ANKRD31: variants seen among roughly 807,000 people sequenced by gnomAD.
ANKRD31 encodes the protein ankyrin repeat domain 31, also known as ankyrin repeat domain-containing protein 31.
A neutral mutation model predicts 186.0 loss-of-function variants in ANKRD31; 147 were observed. The ratio of observed to expected loss-of-function variants is 0.79; its 90% confidence interval spans 0.69 to 0.91. ANKRD31 has a LOEUF of 0.91. ANKRD31 is among the 40% of genes least tolerant of loss of function. ANKRD31 has a pLI of 0.00. For synonymous variants in ANKRD31, 673 were observed against 736.4 expected (o/e 0.91, Z 1.39); for missense variants, 1,986 against 2,148.8 (o/e 0.92, Z 1.50).
At chr5:75,187,110 TTGTGTGTGTGTG>T (rs57013241) in intron 10 of ANKRD31, among the ~76,000 whole-genome samples, 16 of 116,234 alleles carry the variant, frequency 1.4e-4, no homozygotes, top group South Asian at 6.4e-4. Flanking sequence ...TGATTCTGTT[TTGTGTGTGTGTG>T]TGTGTGTGTG....
chr5:75,145,418 T>A (rs893849650), intron 14 of ANKRD31, among the ~76,000 whole-genome samples: 1 of 152,020 alleles, frequency 6.6e-6, no homozygotes, highest in Non-Finnish European at 1.5e-5. Flanking sequence ...TAAAAAGGGA[T>A]GAGTTCATGT....
chr5:75,121,180 T>C (rs143324609), intron 17 of ANKRD31, among the ~76,000 whole-genome samples: 2 of 124,474 alleles, frequency 1.6e-5, no homozygotes, highest in East Asian at 2.4e-4. Context: ...AGACTCTATA[T>C]AAAAAAAAAA....
At chr5:75,092,719 T>C (rs1488351743) in intron 22 of ANKRD31, among the ~76,000 whole-genome samples, 1 of 152,040 alleles carries the variant, frequency 6.6e-6, no homozygotes, top group Non-Finnish European at 1.5e-5. Context: ...CAGCAAAGTA[T>C]GACACACACA....
intron 11 of ANKRD31, among the ~76,000 whole-genome samples, chr5:75,154,707 G>A (rs1752048647): frequency 6.6e-6 from 1 of 152,136 alleles, no homozygotes; most frequent in South Asian, 2.1e-4. Context: ...CAGTGGCTCA[G>A]CTGCTAGTGA....
intron 12 of ANKRD31, 140 bp downstream of exon 12, chr5:75,154,061 A>G (rs1752006993): frequency 2.7e-5 from 22 of 823,750 alleles, no homozygotes; most frequent in Non-Finnish European, 3.7e-5. Context: ...TGATTTATTA[A>G]CAGAATGAAG....
intron 11 of ANKRD31, among the ~76,000 whole-genome samples, chr5:75,168,769 T>A (rs1375222066): frequency 6.6e-6 from 1 of 152,156 alleles, no homozygotes; most frequent in Non-Finnish European, 1.5e-5. Flanking sequence ...AAGCTCTATA[T>A]GGTTATTAAA....
intron 17 of ANKRD31, among the ~76,000 whole-genome samples, chr5:75,121,889 A>G (rs985734532): frequency 3.9e-5 from 6 of 152,228 alleles, no homozygotes; most frequent in African/African-American, 1.2e-4. Flanking sequence ...CTAACATCAT[A>G]CCTCAAGGAA....
intron 14 of ANKRD31, among the ~76,000 whole-genome samples, chr5:75,145,752 C>CT (rs1170099552): frequency 1.3e-5 from 2 of 151,858 alleles, no homozygotes; most frequent in African/African-American, 4.8e-5. Context: ...AAAAAAACTA[C>CT]TGTTTATTAC....
intron 20 of ANKRD31, among the ~76,000 whole-genome samples, chr5:75,110,848 T>C (rs1240295258): frequency 6.7e-6 from 1 of 148,800 alleles, no homozygotes; most frequent in Non-Finnish European, 1.5e-5. Context: ...TGTACACTGC[T>C]AGTAGCATCA....
intron 25 of ANKRD31, among the ~76,000 whole-genome samples, chr5:75,072,978 G>T (rs569912671): frequency 6.6e-6 from 1 of 152,184 alleles, no homozygotes; most frequent in Admixed American, 6.5e-5. Context: ...AATTCCTATT[G>T]TTCCACAGTG....
chr5:75,137,066 G>C (rs1750645800), intron 17 of ANKRD31, among the ~76,000 whole-genome samples: 1 of 152,248 alleles, frequency 6.6e-6, no homozygotes, highest in African/African-American at 2.4e-5. Flanking sequence ...TAATGTAAAT[G>C]ATGAGTTGAT....
chr5:75,096,446 TC>T (rs1746325535), intron 22 of ANKRD31, among the ~76,000 whole-genome samples: 1 of 152,204 alleles, frequency 6.6e-6, no homozygotes, highest in Non-Finnish European at 1.5e-5. Flanking sequence ...AAAATTTTTC[TC>T]CCGTTCTGTA....
intron 3 of ANKRD31, among the ~76,000 whole-genome samples, chr5:75,211,586 T>C (rs1756653917): frequency 6.6e-6 from 1 of 152,210 alleles, no homozygotes; most frequent in Non-Finnish European, 1.5e-5. Flanking sequence ...TCCACAGCAG[T>C]TGCATCATTT....
intron 20 of ANKRD31, among the ~76,000 whole-genome samples, chr5:75,111,055 A>G (rs967014853): frequency 1.3e-5 from 2 of 151,990 alleles, no homozygotes; most frequent in Non-Finnish European, 2.9e-5. Context: ...TTCAACAAAA[A>G]GGGAAAAATT....
At chr5:75,076,406 G>A (rs1038150411) in intron 25 of ANKRD31, among the ~76,000 whole-genome samples, 5 of 152,038 alleles carry the variant, frequency 3.3e-5, no homozygotes, top group East Asian at 1.9e-4. Context: ...CTTTACTTCC[G>A]GTTACTGGTT....
intron 23 of ANKRD31, among the ~76,000 whole-genome samples, chr5:75,087,653 A>G (rs1281187660): frequency 6.6e-6 from 1 of 152,234 alleles, no homozygotes; most frequent in African/African-American, 2.4e-5. Flanking sequence ...ATTGCTTTTT[A>G]TCTCAGGGTG....
intron 10 of ANKRD31, among the ~76,000 whole-genome samples, chr5:75,180,190 C>G (rs528170782): frequency 9.4e-4 from 143 of 152,168 alleles, no homozygotes; most frequent in African/African-American, 3.2e-3. Flanking sequence ...TGTGAAGGAC[C>G]TCTTCAAGGA....
intron 22 of ANKRD31, among the ~76,000 whole-genome samples, chr5:75,103,167 T>G (rs1282195965): frequency 6.6e-6 from 1 of 152,234 alleles, no homozygotes; most frequent in Non-Finnish European, 1.5e-5. Flanking sequence ...CACCATTTAT[T>G]AAATAGGGAA....
At chr5:75,127,675 T>A (rs61334297) in intron 17 of ANKRD31, among the ~76,000 whole-genome samples, 15,848 of 152,208 alleles carry the variant, frequency 0.1, 841 homozygotes, top group East Asian at 0.14. Flanking sequence ...CAAAAATTCC[T>A]GTTAAGACTA....
Sources: allele counts gnomAD v4.1 joint callset (sites outside exome capture counted in the v4.1 genomes callset), GRCh38; gene constraint gnomAD v4.1.1; transcripts MANE v1.5; gene names NCBI Gene and HGNC (gene_info 2026-07-23, HGNC 2026-07-21).